Variants in CTNNA2 observed in about 807,000 individuals in gnomAD.
CTNNA2 encodes the protein catenin alpha 2, also known as catenin alpha-2.
CTNNA2 carries 42 observed loss-of-function variants against 101.0 expected under a neutral mutation model. The ratio of observed to expected loss-of-function variants is 0.42; its 90% CI spans 0.32 to 0.54. The LOEUF (loss-of-function observed/expected upper bound fraction) is 0.54. Among genes scored for constraint, CTNNA2 ranks in the 20% least tolerant of loss-of-function variants. The pLI, the probability that CTNNA2 is intolerant of heterozygous loss-of-function variation, is 0.14. For missense variants in CTNNA2, 871 were observed against 1,223.1 expected, an observed-to-expected ratio of 0.71 and a Z score of 4.29; for synonymous variants, 450 against 456.4, an observed-to-expected ratio of 0.99 and a Z score of 0.18.
chr2:79,974,120 A>C (rs796525594), intron 7 of CTNNA2, among the ~76,000 whole-genome samples: 4 of 152,006 alleles, frequency 2.6e-5, no homozygotes, highest in Non-Finnish European at 5.9e-5. Flanking sequence ...AGATAACTAC[A>C]TTTTGAATCT....
chr2:79,629,713 G>C (rs1679559707), intron 1 of CTNNA2, among the ~76,000 whole-genome samples: 1 of 152,168 alleles, frequency 6.6e-6, no homozygotes, highest in African/African-American at 2.4e-5. Context: ...CTCGATAGAT[G>C]GGAGAGGGAG....
Position 80,127,202 on chromosome 2 carries a change from A to G in CTNNA2, c.1056+217405A>G, listed in dbSNP as rs1049918562. Among the ~76,000 whole-genome samples the G allele has an allele frequency of 4.6e-5, 7 of 152,182 alleles. No individual in the cohort carries two copies. The East Asian group carries it at 1.3e-3, about 29-fold the overall frequency. ...CAAATCAACTTTATAGCCAGTCTTT[A>G]TCATAATGATTTACTATTTTAGATC... On this transcript the variant is annotated intron_variant, in intron 7 of 18. Transcript: ENST00000402739.
chr2:79,874,167 C>T lies in CTNNA2; in HGVS notation c.677C>T (p.Ala226Val). ...ACAATGCTGTACACGGCCTCTCAAG[C>T]ATTTCTCCGCCACCCAGATGTCGCC... ...NATMLYTASQ[A>V]FLRHPDVAAT... The change falls in exon 6 of 19, where the codon GCA (alanine) becomes GTA (valine). Residue 226 changes from alanine to valine, a missense_variant. Ala to Val is a moderately conservative substitution (Grantham distance 64). Around this residue, in one of 5 missense-constraint regions of CTNNA2, gnomAD observed 647 missense variants for 831.5 expected, o/e 0.78. Coordinates refer to ENST00000402739, the MANE Select transcript of CTNNA2 (RefSeq NM_001282597.3). 1 of 1,614,200 alleles carries T rather than the reference C, an allele frequency of 6.2e-7. No homozygotes were observed. The highest frequency in any genetic ancestry group is 8.5e-7 in the Non-Finnish European group (1 of 1,180,046).
intron 4 of CTNNA2, among the ~76,000 whole-genome samples, chr2:79,412,682 G>T (rs1678428888): frequency 1.3e-5 from 2 of 152,062 alleles, no homozygotes; most frequent in South Asian, 4.1e-4. Flanking sequence ...AAATAAAGAT[G>T]TTCTTTGAAG....
intron 15 of CTNNA2, among the ~76,000 whole-genome samples, chr2:80,600,316 G>A (rs1697372489): frequency 6.6e-6 from 1 of 151,906 alleles, no homozygotes; most frequent in South Asian, 2.1e-4. Flanking sequence ...GCTTCTTAAA[G>A]GAATGTATGA....
intron 7 of CTNNA2, among the ~76,000 whole-genome samples, chr2:80,039,801 GT>G: frequency 6.6e-6 from 1 of 152,186 alleles, no homozygotes. Context: ...AAAGACAGAA[GT>G]TTCTTTTTAT....
Position 80,604,063 on chromosome 2 carries a change from T to C in CTNNA2, c.2190-11T>C, listed in dbSNP as rs373734170. Reference sequence around the variant, plus strand: ...AGTGGATTTCTAATTATGTTGTATATGTTGTTTCAGAGGCAAAGGCCCATT... The same window carrying C: ...AGTGGATTTCTAATTATGTTGTATACGTTGTTTCAGAGGCAAAGGCCCATT... On this transcript the variant is annotated splice_polypyrimidine_tract_variant and intron_variant, in intron 15 of 18. Transcript: ENST00000402739. 5.5e-5 allele frequency: 88 copies of C among 1,607,620 alleles called. No individual in the cohort carries two copies. Among genetic ancestry groups the C allele is most frequent in the Non-Finnish European group, 7.1e-5 (84 of 1,174,914 alleles).
intron 9 of CTNNA2, among the ~76,000 whole-genome samples, chr2:80,537,797 T>A (rs991369640): frequency 9.2e-5 from 14 of 152,024 alleles, no homozygotes; most frequent in Non-Finnish European, 1.5e-5. Context: ...TTCTCCATGT[T>A]GGTCAGGCTG....
chr2:80,347,437 T>C (rs1202349622), intron 7 of CTNNA2, among the ~76,000 whole-genome samples: 2 of 152,188 alleles, frequency 1.3e-5, no homozygotes, highest in Non-Finnish European at 2.9e-5. Flanking sequence ...TGCCTGTGTA[T>C]TATATATGTG....
At chr2:80,059,481 C>G (rs572852480) in intron 7 of CTNNA2, among the ~76,000 whole-genome samples, 1 of 152,346 alleles carries the variant, frequency 6.6e-6, no homozygotes, top group East Asian at 1.9e-4. Context: ...TTGCTTCCTT[C>G]ACAACTGACA....
chr2:79,278,402 A>G (rs1675272042), intron 2 of CTNNA2, among the ~76,000 whole-genome samples: 2 of 152,032 alleles, frequency 1.3e-5, no homozygotes, highest in Admixed American at 1.3e-4. Flanking sequence ...GGTAATAGGG[A>G]AAGGTATTGG....
chr2:80,380,076 G>A (rs1156383110), intron 7 of CTNNA2, among the ~76,000 whole-genome samples: 46 of 119,722 alleles, frequency 3.8e-4, no homozygotes, highest in Non-Finnish European at 5.1e-4. Context: ...TCACTCTGTC[G>A]CCCAGGCTGG....
At chr2:79,872,290 C>T (rs1682647471) in intron 5 of CTNNA2, among the ~76,000 whole-genome samples, 2 of 151,806 alleles carry the variant, frequency 1.3e-5, no homozygotes, top group South Asian at 2.1e-4. Context: ...CAGTTTTCTT[C>T]TTATGATTAA....
At chr2:79,503,263 T>C (rs1307080320) in intron 4 of CTNNA2, among the ~76,000 whole-genome samples, 1 of 152,194 alleles carries the variant, frequency 6.6e-6, no homozygotes, top group East Asian at 1.9e-4. Flanking sequence ...CTCTTCTTAT[T>C]TACTGTATTA....
At chr2:80,127,577 G>A (rs1192016825) in intron 7 of CTNNA2, among the ~76,000 whole-genome samples, 1 of 152,162 alleles carries the variant, frequency 6.6e-6, no homozygotes, top group African/African-American at 2.4e-5. Flanking sequence ...TTCAACCCAG[G>A]TTGTTTAAAT....
Position 79,434,138 on chromosome 2 carries a change from CA to C in CTNNA2, c.-135+60135del, listed in dbSNP as rs375153965. ...GCAAAACCCATTTCTACTAAAAATACAAAAAAAAAATTATTCCTGCAGGGTG... is the reference window on the plus strand; with the variant it reads ...GCAAAACCCATTTCTACTAAAAATACAAAAAAAAATTATTCCTGCAGGGTG... On this transcript the variant is annotated intron_variant, in intron 4 of 21. Coordinates refer to the CTNNA2 transcript ENST00000466387. Among the ~76,000 whole-genome samples the C allele has an allele frequency of 8.5e-4, 126 of 148,040 alleles. 1 individual carries two copies. Among genetic ancestry groups the C allele is most frequent in the African/African-American group, 2.7e-3 (109 of 40,564 alleles).
At chr2:79,726,937 A>C (rs576079182) in intron 2 of CTNNA2, among the ~76,000 whole-genome samples, 1 of 152,288 alleles carries the variant, frequency 6.6e-6, no homozygotes, top group Admixed American at 6.5e-5. Context: ...GTCGGTTTTA[A>C]ATAGTCTAAT....
intron 7 of CTNNA2, among the ~76,000 whole-genome samples, chr2:79,939,930 TAA>T (rs1688038994): frequency 1.3e-5 from 2 of 152,226 alleles, no homozygotes; most frequent in South Asian, 4.1e-4. Context: ...CCGTCTCTAC[TAA>T]AAATACAAAA....
intron 7 of CTNNA2, among the ~76,000 whole-genome samples, chr2:80,196,759 C>A (rs1379593947): frequency 6.6e-6 from 1 of 152,182 alleles, no homozygotes; most frequent in Non-Finnish European, 1.5e-5. Flanking sequence ...CAATAATTTT[C>A]TGTTCTCTCG....
Sources: allele counts gnomAD v4.1 joint callset (sites outside exome capture counted in the v4.1 genomes callset), GRCh38; gene constraint gnomAD v4.1.1; regional missense constraint gnomAD v4.1.1; transcripts MANE v1.5; gene names NCBI Gene and HGNC (gene_info 2026-07-23, HGNC 2026-07-21).